Variants in PPEF1 observed in about 807,000 individuals in gnomAD.
PPEF1 encodes the protein protein phosphatase with EF-hand domain 1, also known as serine/threonine-protein phosphatase with EF-hands 1.
PPEF1 carries 12 observed loss-of-function variants against 53.3 expected under a neutral mutation model. The observed-to-expected ratio is 0.23, with a 90% confidence interval of 0.14 to 0.36. The LOEUF (loss-of-function observed/expected upper bound fraction) is 0.36, where lower values mean the gene tolerates loss of function less well. PPEF1 is among the 10% of genes least tolerant of loss of function. The probability of loss-of-function intolerance (pLI) is 1.00; values close to 1 mark genes in which losing one functional copy is unlikely to be tolerated. For synonymous variants in PPEF1, 165 were observed against 176.7 expected (o/e 0.93, Z 0.52); for missense variants, 334 against 490.4 (o/e 0.68, Z 3.01).
chrX:18,798,597 T>C (rs2046479804), intron 10 of PPEF1, among the ~76,000 whole-genome samples: 2 of 111,020 alleles, frequency 1.8e-5, no homozygotes. Flanking sequence ...TAAAGAAATC[T>C]AGGTACCTGG....
intron 10 of PPEF1, among the ~76,000 whole-genome samples, chrX:18,791,487 G>A (rs1392126858): frequency 9.0e-6 from 1 of 111,539 alleles, no homozygotes; most frequent in African/African-American, 3.3e-5. Flanking sequence ...TTACATTTTG[G>A]ATTGTTCATT....
At position 18,689,061 on chromosome X, in the gene PPEF1, G is replaced by A. The variant is rs182203843; in HGVS notation, c.-425-1921G>A. Among the ~76,000 whole-genome samples the A allele has an allele frequency of 8.1e-5, 9 of 111,089 alleles. No individual in the cohort carries two copies. In the East Asian group the frequency reaches 8.6e-4, roughly 11 times the overall value. On this transcript the variant is annotated intron_variant, in intron 3 of 21. Transcript: ENST00000361511. ...TAAGGTCTGTGTTTATATTAATACCGGAGAGGTATAATGAGGCATGTTGGA... is the reference window on the plus strand; with the variant it reads ...TAAGGTCTGTGTTTATATTAATACCAGAGAGGTATAATGAGGCATGTTGGA...
rs58474400 is a variant in PPEF1, at chrX:18,711,092, G to GTA, written c.46+3280_46+3281dup. On this transcript the variant is annotated intron_variant, in intron 1 of 15. Transcript: ENST00000470157. The stretch of plus-strand genomic sequence containing the variant: ...TATGTATATATATGTGTGTGTGTGT[G>GTA]TATATATATATATATGCATGCCATG... 2.2e-3 allele frequency among the ~76,000 whole-genome samples: 213 copies of GTA among 98,905 alleles called. 2 individuals are homozygous for GTA. Among genetic ancestry groups the GTA allele is most frequent in the East Asian group, 0.017 (53 of 3,059 alleles). The allele number at this position is 98,905 out of a possible 115,157, so 85.9% of individuals were successfully genotyped here. A position where few individuals can be genotyped will look rare whatever the true frequency, so the allele number is the denominator to read the frequency against.
At chrX:18,736,221 A>G (rs1305568488) in intron 3 of PPEF1, among the ~76,000 whole-genome samples, 1 of 111,640 alleles carries the variant, frequency 9.0e-6, no homozygotes, top group Non-Finnish European at 1.9e-5. Context: ...TTCAAAGGGA[A>G]TGCTTCCAGT....
At chrX:18,824,689 A>G (rs1346197132) in intron 14 of PPEF1, among the ~76,000 whole-genome samples, 1 of 109,989 alleles carries the variant, frequency 9.1e-6, no homozygotes, top group Non-Finnish European at 1.9e-5. Context: ...TTTGAGGTGG[A>G]GTCTCGCTCT....
chrX:18,809,736 C>T (rs1026362364), intron 12 of PPEF1, among the ~76,000 whole-genome samples: 1 of 110,175 alleles, frequency 9.1e-6, no homozygotes, highest in Non-Finnish European at 1.9e-5. Context: ...AAGGGAAACC[C>T]ATGCATACAG....
chrX:18,826,752 T>A (rs1238899994), intron 15 of PPEF1, among the ~76,000 whole-genome samples: 2 of 109,738 alleles, frequency 1.8e-5, no homozygotes, highest in Non-Finnish European at 3.8e-5. Flanking sequence ...GATGCACAAT[T>A]ACTTATTTTC....
chrX:18,693,583 C>T (rs1469104122), intron 4 of PPEF1, among the ~76,000 whole-genome samples: 3 of 111,588 alleles, frequency 2.7e-5, no homozygotes, highest in South Asian at 3.7e-4. Flanking sequence ...TTTATTTTTT[C>T]GAGACGGAGT....
At chrX:18,684,035 G>T (rs186871521) in intron 1 of PPEF1, among the ~76,000 whole-genome samples, 26 of 112,149 alleles carry the variant, frequency 2.3e-4, no homozygotes, top group Admixed American at 1.0e-3. Flanking sequence ...TAGCTCACCC[G>T]TAGCTCTCTC....
At chrX:18,704,114 T>TG (rs778587258), upstream of PPEF1, among the ~76,000 whole-genome samples, 12 of 108,529 alleles carry the variant, frequency 1.1e-4, no homozygotes, top group African/African-American at 3.7e-4. Flanking sequence ...TTGGTAGAGA[T>TG]GGGGTCTCCC....
chrX:18,761,408 C>T (rs1458549574), intron 5 of PPEF1, 122 bp from the exon 6 acceptor site: 5 of 589,017 alleles, frequency 8.5e-6, no homozygotes, highest in East Asian at 3.3e-5. Flanking sequence ...AAATTAACAT[C>T]GTCATAGGAT....
upstream of PPEF1, among the ~76,000 whole-genome samples, chrX:18,675,412 C>A (rs1185625069): frequency 8.8e-6 from 1 of 113,556 alleles, no homozygotes; most frequent in Non-Finnish European, 1.9e-5. Flanking sequence ...TCGCCGCTTG[C>A]GGCGGCGTGG....
At chrX:18,729,062 G>C (rs908186187) in intron 1 of PPEF1, among the ~76,000 whole-genome samples, 8 of 112,204 alleles carry the variant, frequency 7.1e-5, no homozygotes, top group African/African-American at 1.9e-4. Context: ...AAGAGAGACA[G>C]TCTGCCTAGA....
At chrX:18,727,481 A>AT (rs1295862194) in intron 1 of PPEF1, among the ~76,000 whole-genome samples, 1 of 109,069 alleles carries the variant, frequency 9.2e-6, no homozygotes, top group African/African-American at 3.3e-5. Context: ...TCCCCTAACC[A>AT]TTTTTTTTCT....
upstream of PPEF1, among the ~76,000 whole-genome samples, chrX:18,675,635 C>T (rs1021183148): frequency 1.8e-5 from 2 of 112,237 alleles, no homozygotes; most frequent in African/African-American, 6.5e-5. Context: ...ACGGGGCCAC[C>T]CGTCTATGGC....
intron 5 of PPEF1, among the ~76,000 whole-genome samples, chrX:18,699,394 G>A (rs1056429962): frequency 9.0e-6 from 1 of 111,661 alleles, no homozygotes; most frequent in African/African-American, 3.3e-5. Flanking sequence ...AATGTTTATG[G>A]CTGGAGTCCT....
intron 2 of PPEF1, among the ~76,000 whole-genome samples, chrX:18,685,252 T>C (rs1218116894): frequency 8.9e-6 from 1 of 112,377 alleles, no homozygotes; most frequent in Non-Finnish European, 1.9e-5. Flanking sequence ...ATTTCAAGAA[T>C]TGGGGATCTT....
chrX:18,824,662 A>C (rs928868878), intron 14 of PPEF1, among the ~76,000 whole-genome samples: 4 of 110,073 alleles, frequency 3.6e-5, no homozygotes, highest in African/African-American at 1.3e-4. Context: ...TATGACATCC[A>C]TGCTTTTTGT....
chrX:18,726,285 G>A (rs1484747772), intron 1 of PPEF1, among the ~76,000 whole-genome samples: 1 of 110,510 alleles, frequency 9.0e-6, no homozygotes, highest in Admixed American at 9.7e-5. Flanking sequence ...TCCAGGAGGC[G>A]GAGGTTGCAG....
Sources: allele counts gnomAD v4.1 joint callset (sites outside exome capture counted in the v4.1 genomes callset), GRCh38; gene constraint gnomAD v4.1.1; transcripts MANE v1.5; gene names NCBI Gene and HGNC (gene_info 2026-07-23, HGNC 2026-07-21).